The following MFN1 variants were observed in gnomAD, a reference collection of about 807,000 sequenced individuals.
MFN1 encodes mitofusin 1.
Under a neutral mutation model 92.4 loss-of-function variants are expected in MFN1, and 65 were observed. That is an observed-to-expected ratio of 0.70 (90% CI 0.58 to 0.86). MFN1 has a LOEUF of 0.86. Ranked by LOEUF, MFN1 falls within the 40% of genes least tolerant of loss-of-function variation. The probability of loss-of-function intolerance (pLI) is 0.00; values close to 1 mark genes in which losing one functional copy is unlikely to be tolerated. For synonymous variants in MFN1, 297 were observed against 300.9 expected (o/e 0.99, Z 0.13); for missense variants, 781 against 868.0 (o/e 0.90, Z 1.26).
rs749985640 is a variant in MFN1 at position 179,386,642 on chromosome 3, G to T, written c.2012+13G>T. On this transcript the variant is annotated intron_variant, in intron 16 of 17. Coordinates refer to ENST00000471841, the MANE Select transcript of MFN1 (RefSeq NM_033540.3). Reference sequence around the variant, plus strand: ...ACCAAGTAAAACAGTAAGTTGGAAGGTGCATCTTTCCTTTAAAAAAAAGTT... The same window carrying T: ...ACCAAGTAAAACAGTAAGTTGGAAGTTGCATCTTTCCTTTAAAAAAAAGTT... 6.3e-7 allele frequency: 1 copy of T among 1,587,144 alleles called. No individual in the cohort carries two copies. The highest frequency in any genetic ancestry group is 2.2e-5 in the East Asian group (1 of 44,520).
intron 3 of MFN1, 70 bp from the exon 4 acceptor site, chr3:179,358,770 T>G (rs760076877): frequency 1.3e-6 from 2 of 1,493,788 alleles, no homozygotes; most frequent in Non-Finnish European, 1.8e-6. Context: ...AAAGTTGATA[T>G]TAGACCCAGT....
At chr3:179,378,141 G>A (rs988810466) in intron 12 of MFN1, 200 bp from the exon 13 acceptor site, 6 of 543,908 alleles carry the variant, frequency 1.1e-5, no homozygotes, top group African/African-American at 5.8e-5. Context: ...GGAGGATCGC[G>A]TGAGCCTAGG....
chr3:179,361,833 C>T (rs1226583719), intron 4 of MFN1, among the ~76,000 whole-genome samples: 3 of 152,172 alleles, frequency 2.0e-5, no homozygotes, highest in Non-Finnish European at 4.4e-5. Flanking sequence ...CCACCGCCCC[C>T]GGCCTAGCTC....
chr3:179,383,834 AAG>A (rs1713568011), intron 14 of MFN1, among the ~76,000 whole-genome samples: 1 of 152,228 alleles, frequency 6.6e-6, no homozygotes, highest in Non-Finnish European at 1.5e-5. Context: ...ATCGAAATAA[AAG>A]AGAATACAAG....
chr3:179,375,925 A>T (rs1243230311), intron 10 of MFN1, among the ~76,000 whole-genome samples: 2 of 152,228 alleles, frequency 1.3e-5, no homozygotes, highest in Non-Finnish European at 2.9e-5. Flanking sequence ...TTATCGATAC[A>T]AAGTATAATT....
Position 179,392,497 on chromosome 3 carries a change from AAGG to A in MFN1, c.*441_*443del, listed in dbSNP as rs1472601488. 1 of 153,370 alleles carries A rather than the reference AAGG, an allele frequency of 6.5e-6. No individual in the cohort carries two copies. Among genetic ancestry groups the A allele is most frequent in the Admixed American group, 6.5e-5 (1 of 15,358 alleles). 9.5% of individuals were successfully genotyped at this position (153,370 alleles called of 1,614,324 possible). On this transcript the variant is annotated 3_prime_UTR_variant, in exon 18 of 18. Coordinates refer to ENST00000471841, the MANE Select transcript of MFN1 (RefSeq NM_033540.3). Reference sequence around the variant, plus strand: ...AGTAAATCGCATTGCTGGAACCACCAAGGAGTGTGGAATGTCCTTGAGTGTATT... The same window carrying A: ...AGTAAATCGCATTGCTGGAACCACCAAGTGTGGAATGTCCTTGAGTGTATT...
intron 14 of MFN1, among the ~76,000 whole-genome samples, chr3:179,383,359 G>T (rs1207607950): frequency 6.6e-6 from 1 of 152,110 alleles, no homozygotes; most frequent in Admixed American, 6.6e-5. Context: ...TGTCAGGTTT[G>T]TCAAAGATCA....
intron 14 of MFN1, among the ~76,000 whole-genome samples, chr3:179,379,465 T>C (rs1713384014): frequency 6.6e-6 from 1 of 152,192 alleles, no homozygotes; most frequent in South Asian, 2.1e-4. Context: ...GCGATTCTCC[T>C]GCCTCAGCCT....
intron 9 of MFN1, among the ~76,000 whole-genome samples, chr3:179,370,673 G>A (rs1712989408): frequency 6.6e-6 from 1 of 152,088 alleles, no homozygotes; most frequent in Admixed American, 6.6e-5. Context: ...GCCTCCCAAA[G>A]TGCTGGGACT....
chr3:179,348,662 A>G, intron 1 of MFN1, 183 bp from the exon 2 acceptor site: 2 of 813,596 alleles, frequency 2.5e-6, no homozygotes, highest in Non-Finnish European at 3.4e-6. Flanking sequence ...ATTTTAGTGA[A>G]ATATCATTCA....
Position 179,390,015 on chromosome 3 carries a change from C to T in MFN1, c.2024C>T (p.Thr675Ile). The T allele has an allele frequency of 6.3e-7, 1 of 1,599,150 alleles. No individual in the cohort carries two copies. The highest frequency in any genetic ancestry group is 8.5e-7 in the Non-Finnish European group (1 of 1,176,016). The change falls in exon 17 of 18, where the codon ACC becomes ATC. Residue 675 changes from threonine to isoleucine, a missense_variant. Thr to Ile is a moderately conservative substitution (Grantham distance 89). Coordinates refer to ENST00000471841, the MANE Select transcript of MFN1 (RefSeq NM_033540.3). ...CSHQVKQQIATTFARLCQQVD... is the reference protein window; with the variant it reads ...CSHQVKQQIAITFARLCQQVD... The stretch of plus-strand genomic sequence containing the variant: ...ATTTTTATTTTAAGACAAATAGCTA[C>T]CACTTTTGCTCGCCTGTGCCAACAA...
At chr3:179,367,977 T>TAC in intron 8 of MFN1, 59 bp from the exon 9 acceptor site, 1 of 1,065,856 alleles carries the variant, frequency 9.4e-7, no homozygotes. Flanking sequence ...ATCAGTAGCC[T>TAC]ACCAGAAAAC....
intron 7 of MFN1, among the ~76,000 whole-genome samples, chr3:179,365,670 C>G (rs1015909473): frequency 2.0e-5 from 3 of 152,286 alleles, no homozygotes; most frequent in Non-Finnish European, 2.9e-5. Flanking sequence ...TTCTAACTTC[C>G]CTTCTGTCCT....
intron 14 of MFN1, among the ~76,000 whole-genome samples, chr3:179,382,647 A>C (rs1460646706): frequency 3.9e-5 from 6 of 152,196 alleles, no homozygotes; most frequent in Non-Finnish European, 8.8e-5. Flanking sequence ...GAATCACCAC[A>C]CTGTCTTCCA....
At chr3:179,355,087 G>A (rs571186861) in intron 3 of MFN1, among the ~76,000 whole-genome samples, 19 of 152,054 alleles carry the variant, frequency 1.2e-4, no homozygotes, top group South Asian at 2.1e-4. Flanking sequence ...GTGAGCCCCC[G>A]TGCCCAGCTG....
intron 12 of MFN1, 33 bp from the exon 13 acceptor site, chr3:179,378,306 GAA>G (rs770127506): frequency 5.5e-6 from 8 of 1,445,832 alleles, no homozygotes; most frequent in Non-Finnish European, 6.6e-6. Flanking sequence ...ACTTTCTGGA[GAA>G]AAAATAATAT....
At chr3:179,382,568 T>A (rs1284165909) in intron 14 of MFN1, among the ~76,000 whole-genome samples, 2 of 152,218 alleles carry the variant, frequency 1.3e-5, no homozygotes, top group South Asian at 2.1e-4. Flanking sequence ...ATGATTTATA[T>A]TCCTTTGGGT....
chr3:179,348,999 T>C, intron 2 of MFN1, 36 bp downstream of exon 2: 1 of 1,521,342 alleles, frequency 6.6e-7, no homozygotes, highest in East Asian at 2.3e-5. Flanking sequence ...TAATTACTGT[T>C]GAAAATATAT....
intron 14 of MFN1, among the ~76,000 whole-genome samples, 200 bp from the exon 15 acceptor site, chr3:179,385,369 T>A (rs1195524164): frequency 6.6e-6 from 1 of 152,046 alleles, no homozygotes; most frequent in Non-Finnish European, 1.5e-5. Flanking sequence ...TATGAAAATT[T>A]ATTGTTCATG....
Sources: gnomAD v4.1 joint callset for allele counts (sites outside exome capture counted in the v4.1 genomes callset) on GRCh38, gnomAD v4.1.1 for gene constraint, MANE v1.5 for transcripts, NCBI Gene and HGNC (gene_info 2026-07-23, HGNC 2026-07-21) for gene names.